ASTN1: variants seen among roughly 807,000 people sequenced by gnomAD.
ASTN1 encodes the protein astrotactin-1.
Under a neutral mutation model 140.7 loss-of-function variants are expected in ASTN1, and 41 were observed. The observed-to-expected ratio is 0.29, with a 90% confidence interval of 0.23 to 0.38. The LOEUF (loss-of-function observed/expected upper bound fraction) is 0.38, where lower values mean the gene tolerates loss of function less well. Ranked by LOEUF, ASTN1 falls within the 10% of genes least tolerant of loss-of-function variation. The pLI is 1.00. For synonymous variants in ASTN1, 640 were observed against 652.2 expected, an observed-to-expected ratio of 0.98 and a Z score of 0.29; for missense variants, 1,479 against 1,678.8, an observed-to-expected ratio of 0.88 and a Z score of 2.08.
chr1:176,897,701 A>G (rs1669580350), intron 16 of ASTN1, among the ~76,000 whole-genome samples: 1 of 152,216 alleles, frequency 6.6e-6, no homozygotes, highest in Non-Finnish European at 1.5e-5. Flanking sequence ...ATTAGAGACT[A>G]AAACAATTCC....
At chr1:177,001,508 T>C (rs1181735049) in intron 8 of ASTN1, among the ~76,000 whole-genome samples, 2 of 152,226 alleles carry the variant, frequency 1.3e-5, no homozygotes, top group East Asian at 3.8e-4. Context: ...ACTATTATTC[T>C]CATTTTTAAG....
chr1:176,995,075 C>A (rs1477544759), intron 8 of ASTN1, among the ~76,000 whole-genome samples: 2 of 152,114 alleles, frequency 1.3e-5, no homozygotes, highest in Non-Finnish European at 2.9e-5. Flanking sequence ...CTGGGGAATG[C>A]ACTGAGAAAG....
downstream of ASTN1, among the ~76,000 whole-genome samples, chr1:176,857,818 C>A (rs16850265): frequency 5.9e-5 from 9 of 152,224 alleles, no homozygotes; most frequent in African/African-American, 2.2e-4. Context: ...CAGGACAAAA[C>A]GGCATGTAAG....
intron 1 of ASTN1, among the ~76,000 whole-genome samples, chr1:177,072,198 C>T (rs939491680): frequency 6.6e-6 from 1 of 152,128 alleles, no homozygotes; most frequent in East Asian, 1.9e-4. Flanking sequence ...ATTAGGTATA[C>T]AGAAGATATA....
intron 14 of ASTN1, among the ~76,000 whole-genome samples, chr1:176,939,167 C>T (rs1426921932): frequency 6.6e-6 from 1 of 152,038 alleles, no homozygotes; most frequent in African/African-American, 2.4e-5. Flanking sequence ...GTATCATACA[C>T]ATACATGGCC....
At chr1:177,041,943 C>T (rs1455142507) in intron 2 of ASTN1, among the ~76,000 whole-genome samples, 2 of 152,212 alleles carry the variant, frequency 1.3e-5, no homozygotes, top group African/African-American at 2.4e-5. Context: ...GCAGGAAGAC[C>T]TTATGCAGGG....
At chr1:177,082,028 G>A (rs1679204057) in intron 1 of ASTN1, among the ~76,000 whole-genome samples, 1 of 152,268 alleles carries the variant, frequency 6.6e-6, no homozygotes, top group East Asian at 1.9e-4. Flanking sequence ...CAGCCTGGAG[G>A]AGCAAGATTG....
Position 177,030,767 on chromosome 1 carries a change from A to G in ASTN1, c.1012+39T>C, listed in dbSNP as rs955227470. On this transcript the variant is annotated intron_variant, in intron 4 of 22. Transcript: ENST00000361833. ...AATGGCCCTGCCTCTACCAATATGA[A>G]GGAATCCACCCACGAGCCCTAATGT... is the stretch of plus-strand genomic sequence containing the variant. The G allele has an allele frequency of 3.1e-6, 5 of 1,612,440 alleles. No individual in the cohort carries two copies. In the African/African-American group the frequency reaches 6.7e-5, roughly 21 times the overall value.
At chr1:176,980,289 C>T (rs758744559) in intron 8 of ASTN1, among the ~76,000 whole-genome samples, 2 of 152,032 alleles carry the variant, frequency 1.3e-5, no homozygotes, top group Non-Finnish European at 1.5e-5. Context: ...AGCCAGGTTC[C>T]CATTTCACTA....
intron 1 of ASTN1, among the ~76,000 whole-genome samples, chr1:177,112,465 C>T (rs184715214): frequency 1.8e-4 from 27 of 152,248 alleles, no homozygotes; most frequent in Middle Eastern, 3.4e-3. Flanking sequence ...CCGTGTTGGG[C>T]GGGGTGGGTG....
chr1:176,947,086 A>T (rs925723615), intron 12 of ASTN1, among the ~76,000 whole-genome samples: 24 of 152,348 alleles, frequency 1.6e-4, no homozygotes, highest in Admixed American at 3.3e-4. Flanking sequence ...TAGAGGAACA[A>T]GGAATAATAT....
intron 11 of ASTN1, among the ~76,000 whole-genome samples, chr1:176,954,815 G>C (rs1358311990): frequency 3.3e-5 from 5 of 152,196 alleles, no homozygotes; most frequent in African/African-American, 1.2e-4. Context: ...TGGTGTGACT[G>C]TGGTTTGTAC....
At chr1:177,111,339 G>C (rs896068078) in intron 1 of ASTN1, among the ~76,000 whole-genome samples, 1 of 152,020 alleles carries the variant, frequency 6.6e-6, no homozygotes, top group Non-Finnish European at 1.5e-5. Flanking sequence ...AGGCAATACC[G>C]ATGTCACCTA....
chr1:176,988,461 T>C (rs780680329), intron 8 of ASTN1, among the ~76,000 whole-genome samples: 2 of 152,196 alleles, frequency 1.3e-5, no homozygotes, highest in Non-Finnish European at 2.9e-5. Flanking sequence ...AATGAACTCT[T>C]ATCCCTAGTT....
chr1:177,086,284 T>A (rs138164440), intron 1 of ASTN1, among the ~76,000 whole-genome samples: 1 of 150,726 alleles, frequency 6.6e-6, no homozygotes, highest in African/African-American at 2.4e-5. Flanking sequence ...TGAATCCATT[T>A]AAAAAACTCC....
At chr1:176,938,607 C>T (rs1671552211) in intron 14 of ASTN1, among the ~76,000 whole-genome samples, 1 of 152,184 alleles carries the variant, frequency 6.6e-6, no homozygotes, top group African/African-American at 2.4e-5. Context: ...GCTCAGGGAT[C>T]TTTCAGTTCC....
At chr1:176,874,516 G>A (rs1668482447) in intron 21 of ASTN1, among the ~76,000 whole-genome samples, 1 of 152,178 alleles carries the variant, frequency 6.6e-6, no homozygotes, top group African/African-American at 2.4e-5. Context: ...TAACAAGTGT[G>A]AGTGCTGGTT....
chr1:177,089,076 C>A (rs1245980914), intron 1 of ASTN1, among the ~76,000 whole-genome samples: 1 of 152,140 alleles, frequency 6.6e-6, no homozygotes, highest in Non-Finnish European at 1.5e-5. Context: ...GGTGAGCAAG[C>A]AAGAGAGGAC....
chr1:177,072,727 G>A (rs1048254782), intron 1 of ASTN1, among the ~76,000 whole-genome samples: 1 of 152,170 alleles, frequency 6.6e-6, no homozygotes, highest in African/African-American at 2.4e-5. Flanking sequence ...ATAAGAAACA[G>A]GAGCCATGCA....
Sources: allele counts gnomAD v4.1 joint callset (sites outside exome capture counted in the v4.1 genomes callset), GRCh38; gene constraint gnomAD v4.1.1; transcripts MANE v1.5; gene names NCBI Gene and HGNC (gene_info 2026-07-23, HGNC 2026-07-21).